HELQ: variants seen among roughly 807,000 people sequenced by gnomAD.
HELQ encodes helicase, POLQ like, also known as helicase POLQ-like.
In HELQ, 77 loss-of-function variants were observed where a neutral mutation model predicts 111.6. That is an observed-to-expected ratio of 0.69 (90% CI 0.57 to 0.83). The LOEUF (loss-of-function observed/expected upper bound fraction) is 0.83, where lower values mean the gene tolerates loss of function less well. Among genes scored for constraint, HELQ ranks in the 40% least tolerant of loss-of-function variants. The pLI is 0.00. For synonymous variants in HELQ, 438 were observed against 454.7 expected (o/e 0.96, Z 0.47); for missense variants, 1,200 against 1,288.5 (o/e 0.93, Z 1.05).
rs1738853703 is a variant in HELQ at position 83,407,463 on chromosome 4, T to C, written c.3296A>G (p.Asp1099Gly). The C allele has an allele frequency of 3.1e-6, 5 of 1,599,636 alleles. No homozygotes were observed. The highest frequency in any genetic ancestry group is 4.3e-6 in the Non-Finnish European group (5 of 1,172,556). Residue 1099 changes from aspartate to glycine, a missense_variant, in exon 18 of 18, where the codon GAC (aspartate) becomes GGC (glycine). Asp to Gly is a moderately conservative substitution (Grantham distance 94, BLOSUM62 -1). This residue lies in a region of HELQ where 585 missense variants were observed against 665.3 expected (regional missense o/e 0.88). Coordinates refer to ENST00000295488, the MANE Select transcript of HELQ (RefSeq NM_133636.5). ...DFPGAVASST[D>G]KA ...TCTCATCAGATAGCTTCATGCTTTG[T>C]CAGTGGAAGAAGCCACAGCACCAGG...
intron 15 of HELQ, among the ~76,000 whole-genome samples, chr4:83,421,031 G>A (rs1375981089): frequency 1.3e-5 from 2 of 152,102 alleles, no homozygotes; most frequent in African/African-American, 2.4e-5. Context: ...AGCTGATCTC[G>A]AACTCCTGGG....
intron 14 of HELQ, among the ~76,000 whole-genome samples, chr4:83,425,368 A>T (rs919287572): frequency 6.6e-6 from 1 of 152,142 alleles, no homozygotes; most frequent in Non-Finnish European, 1.5e-5. Flanking sequence ...TTAAAATGAA[A>T]AAAAAAAGTG....
At position 83,421,677 on chromosome 4, in the gene HELQ, G is replaced by A. The variant is rs777853352; in HGVS notation, c.2835C>T (p.Leu945=). 1.2e-6 allele frequency: 2 copies of A among 1,613,402 alleles called. No homozygotes were observed. Among genetic ancestry groups the A allele is most frequent in the Admixed American group, 1.7e-5 (1 of 59,980 alleles). The change falls in exon 15 of 18, where the codon CTC becomes CTT. Residue 945 remains leucine (L), a synonymous_variant. Coordinates refer to ENST00000295488, the MANE Select transcript of HELQ (RefSeq NM_133636.5). ...ATACAGTCCAAATGTTGGTCTCTTT[G>A]AGCAAGGTATAAAGAACAAAAGACA... is the stretch of plus-strand genomic sequence containing the variant. ...LYLSFVLYTL[L]KETNIWTVSE...
intron 11 of HELQ, among the ~76,000 whole-genome samples, chr4:83,430,702 C>T (rs1720097174): frequency 1.3e-5 from 2 of 152,106 alleles, no homozygotes; most frequent in Admixed American, 1.3e-4. Context: ...TATAATGGAG[C>T]ACAGACATTT....
intron 17 of HELQ, among the ~76,000 whole-genome samples, chr4:83,411,247 T>C (rs912830151): frequency 1.1e-4 from 16 of 149,370 alleles, no homozygotes; most frequent in South Asian, 2.1e-4. Context: ...GATATTATAC[T>C]AGATTGAATA....
chr4:83,412,051 A>C (rs757446230), intron 17 of HELQ, among the ~76,000 whole-genome samples: 4 of 152,230 alleles, frequency 2.6e-5, no homozygotes, highest in Non-Finnish European at 4.4e-5. Flanking sequence ...AGAATGACTC[A>C]AATGAGAGAA....
chr4:83,440,037 G>A, intron 7 of HELQ, 29 bp from the exon 8 acceptor site: 1 of 1,586,074 alleles, frequency 6.3e-7, no homozygotes. Context: ...TAGGAACAAA[G>A]TGGTTAGTAA....
At chr4:83,429,836 C>T (rs1350655740) in intron 11 of HELQ, 90 bp from the exon 12 acceptor site, 5 of 704,216 alleles carry the variant, frequency 7.1e-6, no homozygotes, top group Non-Finnish European at 1.2e-5. Context: ...CATTTCCATA[C>T]CTCAAAGCTA....
At chr4:83,451,558 G>C (rs923670371) in intron 2 of HELQ, among the ~76,000 whole-genome samples, 1 of 151,978 alleles carries the variant, frequency 6.6e-6, no homozygotes, top group Non-Finnish European at 1.5e-5. Flanking sequence ...CCCAGCTACT[G>C]GGGAGTCTGA....
chr4:83,428,224 T>C (rs1719947136), intron 12 of HELQ, among the ~76,000 whole-genome samples: 1 of 151,846 alleles, frequency 6.6e-6, no homozygotes, highest in African/African-American at 2.4e-5. Flanking sequence ...TAAAAATATT[T>C]GGAAGAATAC....
chr4:83,425,279 C>CAAAA (rs11319573), intron 14 of HELQ, among the ~76,000 whole-genome samples: 2 of 70,372 alleles, frequency 2.8e-5, no homozygotes, highest in African/African-American at 8.0e-5. Flanking sequence ...GACTGCACCT[C>CAAAA]AAAAAAAAAA....
In HELQ at chr4:83,448,779, A is replaced by G. The variant is rs766107762; in HGVS notation, c.1191+4T>C. ...TTTGTTTTAAAACATACACACACACACACCTTTTCTTGGACAATTGCCACA... is the reference window on the plus strand; with the variant it reads ...TTTGTTTTAAAACATACACACACACGCACCTTTTCTTGGACAATTGCCACA... On this transcript the variant is annotated splice_donor_region_variant and intron_variant, in intron 3 of 17. Coordinates refer to ENST00000295488, the MANE Select transcript of HELQ (RefSeq NM_133636.5). 42 of 1,610,252 alleles carry G rather than the reference A, an allele frequency of 2.6e-5. No individual in the cohort carries two copies. The highest frequency in any genetic ancestry group is 1.6e-4 in the Middle Eastern group (1 of 6,072).
Position 83,426,407 on chromosome 4 carries a change from A to G in HELQ, c.2677-315T>C, listed in dbSNP as rs183068066. Among the ~76,000 whole-genome samples the G allele has an allele frequency of 3.6e-3, 555 of 152,206 alleles. 2 individuals are homozygous for G. The highest frequency in any genetic ancestry group is 0.014 in the Middle Eastern group (4 of 294). On this transcript the variant is annotated intron_variant, in intron 13 of 17. Transcript: ENST00000295488. ...TGCATTATATAGTGCTACTTAAAAA[A>G]AACTTACTTCCTGAGTAATGTAAAC...
intron 17 of HELQ, among the ~76,000 whole-genome samples, chr4:83,408,548 G>A (rs1738913399): frequency 6.6e-6 from 1 of 150,946 alleles, no homozygotes; most frequent in Non-Finnish European, 1.5e-5. Flanking sequence ...ACCATGCCCA[G>A]CCTCTTTTTT....
chr4:83,438,014 T>G (rs1220496129), intron 8 of HELQ, among the ~76,000 whole-genome samples: 2 of 152,216 alleles, frequency 1.3e-5, no homozygotes, highest in African/African-American at 4.8e-5. Flanking sequence ...GATAATTTAA[T>G]TTCCTTAAGC....
chr4:83,439,609 C>T (rs1162749211), intron 8 of HELQ, among the ~76,000 whole-genome samples: 1 of 152,142 alleles, frequency 6.6e-6, no homozygotes, highest in Non-Finnish European at 1.5e-5. Context: ...GATCCACCCA[C>T]CTCGGCCTCC....
At chr4:83,437,190 T>A in intron 8 of HELQ, 93 bp from the exon 9 acceptor site, 1 of 1,177,596 alleles carries the variant, frequency 8.5e-7, no homozygotes, top group Non-Finnish European at 1.2e-6. Context: ...ATGTAAACAT[T>A]CTTTAATGTA....
At position 83,448,888 on chromosome 4, in the gene HELQ, A is replaced by G; in HGVS notation, c.1086T>C (p.Ser362=). Residue 362 remains serine, a synonymous_variant, in exon 3 of 18, where the codon AGT becomes AGC. Transcript: ENST00000295488. ...RKNLIYSLPT[S]GGKTLVAEIL... ...TCTCAGCCACGAGGGTTTTTCCACCACTTGTTGGCAAGGAATATATTAAAT... is the reference window on the plus strand; with the variant it reads ...TCTCAGCCACGAGGGTTTTTCCACCGCTTGTTGGCAAGGAATATATTAAAT... The G allele has an allele frequency of 2.5e-6, 4 of 1,613,094 alleles. No individual in the cohort carries two copies. Among genetic ancestry groups the G allele is most frequent in the Non-Finnish European group, 3.4e-6 (4 of 1,179,222 alleles).
Position 83,426,017 on chromosome 4 carries a change from C to T in HELQ, c.2752G>A (p.Ala918Thr). The change falls in exon 14 of 18, where the codon GCA becomes ACA. Residue 918 changes from alanine to threonine, a missense_variant. Around this residue, in one of 3 missense-constraint regions of HELQ, gnomAD observed 585 missense variants for 665.3 expected, o/e 0.88. Transcript: ENST00000295488. Reference sequence around the variant, plus strand: ...ACCTTTCCGATGGCTTGGCCTGATGCTTTCTTCCCAATAAAGCTTTCAGAG... The same window carrying T: ...ACCTTTCCGATGGCTTGGCCTGATGTTTTCTTCCCAATAAAGCTTTCAGAG... ...GVSESFIGKK[A>T]SGQAIGKKVD... 1 of 1,604,846 alleles carries T rather than the reference C, an allele frequency of 6.2e-7. No individual in the cohort carries two copies. Among genetic ancestry groups the T allele is most frequent in the Non-Finnish European group, 8.5e-7 (1 of 1,172,298 alleles).
Sources: gnomAD v4.1 joint callset for allele counts (sites outside exome capture counted in the v4.1 genomes callset) on GRCh38, gnomAD v4.1.1 for gene constraint, gnomAD v4.1.1 regional missense constraint, MANE v1.5 for transcripts, NCBI Gene and HGNC (gene_info 2026-07-23, HGNC 2026-07-21) for gene names.